Variants in MIS18A observed in about 807,000 individuals in gnomAD.
MIS18A encodes the protein protein Mis18-alpha.
Under a neutral mutation model 25.0 loss-of-function variants are expected in MIS18A, and 14 were observed. That is an observed-to-expected ratio of 0.56 (90% CI 0.37 to 0.88). The LOEUF is 0.88. Among genes scored for constraint, MIS18A ranks in the 40% least tolerant of loss-of-function variants. The pLI is 0.00. For missense variants in MIS18A, 292 were observed against 290.8 expected (o/e 1.00, Z -0.03); for synonymous variants, 134 against 118.6 (o/e 1.13, Z -0.84).
At chr21:32,200,744 T>C in the MIS18A span, among the ~76,000 whole-genome samples, 1 of 152,272 alleles carries the variant, frequency 6.6e-6, no homozygotes, top group East Asian at 1.9e-4. Flanking sequence ...CGCCCAAGGC[T>C]TTTTCTTTAA....
the MIS18A span, among the ~76,000 whole-genome samples, chr21:32,157,223 A>ATTTTTTCTTTTTT: frequency 4.1e-5 from 3 of 72,334 alleles, no homozygotes; most frequent in African/African-American, 2.1e-4. Flanking sequence ...TACCCGGCTA[A>ATTTTTTCTTTTTT]TTTTTTTTTT....
chr21:32,275,954 C>T (rs116680226), intron 1 of MIS18A, among the ~76,000 whole-genome samples: 32 of 152,154 alleles, frequency 2.1e-4, no homozygotes, highest in Admixed American at 2.0e-4. Context: ...AAAGAAAATG[C>T]GGGGTCACAT....
At chr21:32,275,692 T>G (rs1218822876) in intron 1 of MIS18A, among the ~76,000 whole-genome samples, 5 of 152,102 alleles carry the variant, frequency 3.3e-5, no homozygotes, top group Non-Finnish European at 1.5e-5. Context: ...CCTCCTACAG[T>G]CTACCTTAAC....
chr21:32,162,037 C>T, the MIS18A span, among the ~76,000 whole-genome samples: 1 of 152,086 alleles, frequency 6.6e-6, no homozygotes, highest in African/African-American at 2.4e-5. Flanking sequence ...ATTCTCTCAA[C>T]ACCATTTCAA....
chr21:32,169,888 T>C, the MIS18A span, among the ~76,000 whole-genome samples: 2 of 151,984 alleles, frequency 1.3e-5, no homozygotes, highest in Non-Finnish European at 2.9e-5. Flanking sequence ...CAACAAAACT[T>C]GAAGAGCAAG....
chr21:32,174,968 T>C, the MIS18A span, among the ~76,000 whole-genome samples: 1 of 152,216 alleles, frequency 6.6e-6, no homozygotes, highest in African/African-American at 2.4e-5. Context: ...CAGTCATGCA[T>C]TGCTTAACAA....
At chr21:32,231,316 G>C in the MIS18A span, among the ~76,000 whole-genome samples, 1 of 149,230 alleles carries the variant, frequency 6.7e-6, no homozygotes, top group Non-Finnish European at 1.5e-5. Flanking sequence ...CTTGTATCTA[G>C]GATATAAAGA....
chr21:32,266,507 G>GT (rs1434367588), downstream of MIS18A, among the ~76,000 whole-genome samples: 6 of 152,148 alleles, frequency 3.9e-5, no homozygotes, highest in Admixed American at 3.9e-4. Flanking sequence ...TTTATGAGCT[G>GT]TAACACTCAC....
the MIS18A span, among the ~76,000 whole-genome samples, chr21:32,258,854 ATTT>A: frequency 7.9e-6 from 1 of 126,102 alleles, no homozygotes. Flanking sequence ...TTATTTATTT[ATTT>A]ATTTATTTAT....
chr21:32,222,951 A>AAAAG, the MIS18A span, among the ~76,000 whole-genome samples: 150 of 144,706 alleles, frequency 1.0e-3, no homozygotes, highest in Middle Eastern at 3.5e-3. Flanking sequence ...AAAAAAAAAA[A>AAAAG]AAAGAAAGAA....
chr21:32,228,224 G>T, the MIS18A span, among the ~76,000 whole-genome samples: 1 of 152,302 alleles, frequency 6.6e-6, no homozygotes, highest in African/African-American at 2.4e-5. Flanking sequence ...GAGTAGCTGG[G>T]ATTACAGGCA....
At chr21:32,207,494 T>C in the MIS18A span, among the ~76,000 whole-genome samples, 1 of 152,228 alleles carries the variant, frequency 6.6e-6, no homozygotes, top group Non-Finnish European at 1.5e-5. Context: ...CCTCAGGTAC[T>C]GCAGTCCAGC....
the MIS18A span, among the ~76,000 whole-genome samples, chr21:32,177,197 A>G: frequency 5.3e-5 from 8 of 152,220 alleles, no homozygotes; most frequent in Non-Finnish European, 8.8e-5. Context: ...ATAATAAATA[A>G]GTTAAATTAT....
At chr21:32,250,310 C>A in the MIS18A span, among the ~76,000 whole-genome samples, 2 of 152,122 alleles carry the variant, frequency 1.3e-5, no homozygotes, top group African/African-American at 2.4e-5. Context: ...AAAAATAAAA[C>A]CCTAAAGATA....
At chr21:32,174,528 A>G in the MIS18A span, among the ~76,000 whole-genome samples, 1 of 152,346 alleles carries the variant, frequency 6.6e-6, no homozygotes, top group East Asian at 1.9e-4. Context: ...AACTTAAAAT[A>G]AAAAGATGAA....
chr21:32,274,124 A>G (rs909250881), intron 2 of MIS18A, among the ~76,000 whole-genome samples: 3 of 150,592 alleles, frequency 2.0e-5, no homozygotes, highest in African/African-American at 7.3e-5. Flanking sequence ...CCATAACATG[A>G]GAAAGTTGGG....
the MIS18A span, among the ~76,000 whole-genome samples, chr21:32,201,921 G>C: frequency 1.3e-5 from 2 of 152,116 alleles, no homozygotes; most frequent in Admixed American, 1.3e-4. Flanking sequence ...TAAATAGAAA[G>C]CCGAGTATTA....
chr21:32,259,108 A>T, the MIS18A span, among the ~76,000 whole-genome samples: 1 of 151,972 alleles, frequency 6.6e-6, no homozygotes, highest in Non-Finnish European at 1.5e-5. Flanking sequence ...TCCTAGACTC[A>T]AGCGATCCTC....
At chr21:32,176,477 T>G in the MIS18A span, among the ~76,000 whole-genome samples, 1 of 152,208 alleles carries the variant, frequency 6.6e-6, no homozygotes, top group Non-Finnish European at 1.5e-5. Flanking sequence ...CTTCAAATAT[T>G]TGTAAGCTAT....
Sources: allele counts gnomAD v4.1 joint callset (sites outside exome capture counted in the v4.1 genomes callset), GRCh38; gene constraint gnomAD v4.1.1; transcripts MANE v1.5; gene names NCBI Gene and HGNC (gene_info 2026-07-23, HGNC 2026-07-21).